The following GKAP1 variants were observed in gnomAD, a reference collection of about 807,000 sequenced individuals.
GKAP1 encodes G kinase anchoring protein 1.
A neutral mutation model predicts 56.7 loss-of-function variants in GKAP1; 31 were observed. That is an observed-to-expected ratio of 0.55 (90% CI 0.41 to 0.74). GKAP1 has a LOEUF of 0.74. Ranked by LOEUF, GKAP1 falls within the 30% of genes least tolerant of loss-of-function variation. The pLI is 0.00. For missense variants in GKAP1, 364 were observed against 402.3 expected, an observed-to-expected ratio of 0.90 and a Z score of 0.82; for synonymous variants, 151 against 138.6, an observed-to-expected ratio of 1.09 and a Z score of -0.63.
chr9:83,752,139 C>T (rs981780861), intron 9 of GKAP1, among the ~76,000 whole-genome samples: 4 of 152,214 alleles, frequency 2.6e-5, no homozygotes, highest in Admixed American at 6.5e-5. Context: ...CACAGTGGCT[C>T]ACGCCTGTAA....
At chr9:83,747,123 T>C (rs1943308055) in intron 10 of GKAP1, among the ~76,000 whole-genome samples, 1 of 152,230 alleles carries the variant, frequency 6.6e-6, no homozygotes, top group Non-Finnish European at 1.5e-5. Flanking sequence ...TCTTTTGTGG[T>C]TTATAATTTC....
chr9:83,787,393 T>C (rs1029710148), intron 5 of GKAP1, among the ~76,000 whole-genome samples: 2 of 128,466 alleles, frequency 1.6e-5, no homozygotes, highest in African/African-American at 5.4e-5. Context: ...CACACCACCA[T>C]GCCCAGCTAA....
At position 83,805,108 on chromosome 9, in the gene GKAP1, A is replaced by G. The variant is rs368212670; in HGVS notation, c.216+1194T>C. 3.9e-4 allele frequency among the ~76,000 whole-genome samples: 59 copies of G among 152,270 alleles called. No individual in the cohort carries two copies. The East Asian group carries it at 7.0e-3, about 18-fold the overall frequency. ...AAGAAGTAGACATGGGAGACTTTTCATTTTGTTCTGTACTAAGATAAATTC... is the reference window on the plus strand; with the variant it reads ...AAGAAGTAGACATGGGAGACTTTTCGTTTTGTTCTGTACTAAGATAAATTC... On this transcript the variant is annotated intron_variant, in intron 3 of 12. Transcript: ENST00000376371.
chr9:83,763,495 TGCA>T (rs1316848848), intron 8 of GKAP1, among the ~76,000 whole-genome samples: 6 of 152,222 alleles, frequency 3.9e-5, no homozygotes, highest in Non-Finnish European at 8.8e-5. Context: ...ATGTAAGCAT[TGCA>T]TGCCTGTATC....
Position 83,748,493 on chromosome 9 carries a change from CA to C in GKAP1, c.841-122del, listed in dbSNP as rs1360705530. 4 of 556,230 alleles carry C rather than the reference CA, an allele frequency of 7.2e-6. No individual in the cohort carries two copies. In the African/African-American group the frequency reaches 7.8e-5, roughly 11 times the overall value. The allele number at this position is 556,230 out of a possible 1,614,324, so 34.5% of individuals were successfully genotyped here. On this transcript the variant is annotated intron_variant, in intron 9 of 12. Transcript: ENST00000376371. ...CTCAAAGATATAATTACTTTAGAAACAAACAGGATGGAGGAAAATGTATTCG... is the reference window on the plus strand; with the variant it reads ...CTCAAAGATATAATTACTTTAGAAACAACAGGATGGAGGAAAATGTATTCG...
intron 4 of GKAP1, 63 bp downstream of exon 4, chr9:83,799,122 C>A (rs1944292100): frequency 7.1e-7 from 1 of 1,403,188 alleles, no homozygotes; most frequent in Non-Finnish European, 1.0e-6. Context: ...TTCAGAGGCA[C>A]TGCCATGTGA....
In GKAP1 at chr9:83,817,082, T is replaced by C. The variant is rs1400182618; in HGVS notation, c.-130A>G. The C allele has an allele frequency of 6.6e-6, 1 of 152,060 alleles. No individual in the cohort carries two copies. Among genetic ancestry groups the C allele is most frequent in the East Asian group, 1.9e-4 (1 of 5,188 alleles). 9.4% of individuals were successfully genotyped at this position (152,060 alleles called of 1,614,324 possible). ...TTCGCAAAGTACATAGAGAAAGAAATTGCGCTGGGCGAAACCTAACTCGGG... is the reference window on the plus strand; with the variant it reads ...TTCGCAAAGTACATAGAGAAAGAAACTGCGCTGGGCGAAACCTAACTCGGG... On this transcript the variant is annotated 5_prime_UTR_variant, in exon 2 of 13. Transcript: ENST00000376371.
At chr9:83,788,543 T>C (rs934755974) in intron 5 of GKAP1, 58 bp downstream of exon 5, 2 of 986,750 alleles carry the variant, frequency 2.0e-6, no homozygotes, top group Non-Finnish European at 1.5e-6. Context: ...AGTAGGTTGA[T>C]TTTAACCTCT....
chr9:83,743,263 A>T (rs1943237953), intron 10 of GKAP1, among the ~76,000 whole-genome samples: 1 of 152,182 alleles, frequency 6.6e-6, no homozygotes, highest in Non-Finnish European at 1.5e-5. Flanking sequence ...AATTTCACAT[A>T]TGGAAAAAAC....
chr9:83,814,513 C>T (rs555178740), intron 2 of GKAP1, among the ~76,000 whole-genome samples: 16 of 152,196 alleles, frequency 1.1e-4, no homozygotes, highest in African/African-American at 3.9e-4. Context: ...GAATGGACTC[C>T]AAAAAAATTC....
At chr9:83,801,985 G>A (rs1486540719) in intron 3 of GKAP1, among the ~76,000 whole-genome samples, 1 of 152,170 alleles carries the variant, frequency 6.6e-6, no homozygotes, top group African/African-American at 2.4e-5. Context: ...ACATTACTAT[G>A]AGAATAAAAC....
chr9:83,781,307 G>C (rs944282476), intron 6 of GKAP1, among the ~76,000 whole-genome samples: 1 of 152,220 alleles, frequency 6.6e-6, no homozygotes, highest in Non-Finnish European at 1.5e-5. Context: ...AGGCTGCAGA[G>C]AGCCAGGATC....
chr9:83,795,011 C>G (rs1028751709), intron 4 of GKAP1, among the ~76,000 whole-genome samples: 1 of 151,978 alleles, frequency 6.6e-6, no homozygotes, highest in Admixed American at 6.6e-5. Context: ...AAAAAACTAG[C>G]CGGGCGTGGT....
In GKAP1 at chr9:83,768,828, T is replaced by A. The variant is rs137996136; in HGVS notation, c.728A>T (p.Glu243Val). ...YNGTDNCTAHEHNQEVVLKDG... is the reference protein window; with the variant it reads ...YNGTDNCTAHVHNQEVVLKDG... ...TTCTACTTTACATGCCTGGTTGTGT[T>A]CATGAGCTGTACAATTATCTGTTCC... is the stretch of plus-strand genomic sequence containing the variant. The change falls in exon 8 of 13, where the codon GAA becomes GTA. Residue 243 changes from glutamate to valine, a missense_variant. Coordinates refer to ENST00000376371, the MANE Select transcript of GKAP1 (RefSeq NM_025211.4). 2.5e-6 allele frequency: 4 copies of A among 1,611,620 alleles called. No homozygotes were observed. In the African/African-American group the frequency reaches 5.3e-5, roughly 22 times the overall value.
In GKAP1 at chr9:83,780,381, C is replaced by T; in HGVS notation, c.585+1G>A. 1 of 1,347,486 alleles carries T rather than the reference C, an allele frequency of 7.4e-7. No homozygotes were observed. The highest frequency in any genetic ancestry group is 1.0e-6 in the Non-Finnish European group (1 of 986,734). 83.5% of individuals were successfully genotyped at this position (1,347,486 alleles called of 1,614,324 possible). On this transcript the variant is annotated splice_donor_variant, in intron 7 of 12. Coordinates refer to ENST00000376371, the MANE Select transcript of GKAP1 (RefSeq NM_025211.4). LOFTEE classifies it high-confidence loss of function. Reference sequence around the variant, plus strand: ...TACAAGATGGCTACAATAAGACTTACCTCAGTCTTTTTACTAATGTGATCT... The same window carrying T: ...TACAAGATGGCTACAATAAGACTTATCTCAGTCTTTTTACTAATGTGATCT...
intron 3 of GKAP1, among the ~76,000 whole-genome samples, chr9:83,800,148 C>T (rs957186758): frequency 1.6e-4 from 24 of 152,120 alleles, no homozygotes; most frequent in African/African-American, 5.5e-4. Context: ...CCACTCCCAA[C>T]AATAAAAATA....
At chr9:83,764,440 C>T (rs1943627514) in intron 8 of GKAP1, among the ~76,000 whole-genome samples, 1 of 152,144 alleles carries the variant, frequency 6.6e-6, no homozygotes, top group Admixed American at 6.5e-5. Context: ...TGAGTCAAAC[C>T]TCTTTTCTTT....
intron 6 of GKAP1, among the ~76,000 whole-genome samples, chr9:83,783,449 A>G (rs1338228556): frequency 2.0e-5 from 3 of 152,240 alleles, no homozygotes; most frequent in Non-Finnish European, 2.9e-5. Flanking sequence ...TTAAATTGCC[A>G]CACATGAATA....
intron 7 of GKAP1, among the ~76,000 whole-genome samples, chr9:83,771,565 T>C (rs1326552699): frequency 6.6e-6 from 1 of 152,240 alleles, no homozygotes; most frequent in Non-Finnish European, 1.5e-5. Context: ...ACACTTTATA[T>C]CTTGCAAAGC....
Sources: allele counts gnomAD v4.1 joint callset (sites outside exome capture counted in the v4.1 genomes callset), GRCh38; gene constraint gnomAD v4.1.1; transcripts MANE v1.5; gene names NCBI Gene and HGNC (gene_info 2026-07-23, HGNC 2026-07-21).